The following CNBD1 variants were observed in gnomAD, a reference collection of about 807,000 sequenced individuals.
The protein encoded by CNBD1 is cyclic nucleotide binding domain containing 1, also known as cyclic nucleotide-binding domain-containing protein 1.
A neutral mutation model predicts 54.4 loss-of-function variants in CNBD1; 71 were observed. The ratio of observed to expected loss-of-function variants is 1.30; its 90% CI spans 1.08 to 1.59. The LOEUF is 1.59. CNBD1 is among the 40% of genes most tolerant of loss of function. The pLI, the probability that CNBD1 is intolerant of heterozygous loss-of-function variation, is 0.00. For synonymous variants in CNBD1, 182 were observed against 170.7 expected, an observed-to-expected ratio of 1.07 and a Z score of -0.51; for missense variants, 659 against 518.0, an observed-to-expected ratio of 1.27 and a Z score of -2.64.
intron 5 of CNBD1, among the ~76,000 whole-genome samples, chr8:87,222,041 G>A (rs1288622925): frequency 2.0e-5 from 3 of 151,938 alleles, no homozygotes; most frequent in East Asian, 3.9e-4. Context: ...TTATTGCTTT[G>A]TTATCTTATC....
intron 4 of CNBD1, among the ~76,000 whole-genome samples, chr8:87,034,862 A>G (rs1303063403): frequency 6.6e-6 from 1 of 152,150 alleles, no homozygotes; most frequent in African/African-American, 2.4e-5. Context: ...AACTATATAC[A>G]TATATATAGA....
chr8:87,305,080 G>A (rs1809113130), intron 8 of CNBD1, among the ~76,000 whole-genome samples: 1 of 152,060 alleles, frequency 6.6e-6, no homozygotes, highest in South Asian at 2.1e-4. Flanking sequence ...AGATTAATGT[G>A]CACAAATCAG....
At chr8:87,332,592 G>T (rs1809858656) in intron 8 of CNBD1, among the ~76,000 whole-genome samples, 1 of 152,074 alleles carries the variant, frequency 6.6e-6, no homozygotes, top group Non-Finnish European at 1.5e-5. Context: ...TCAGTTTTCT[G>T]CATATGCCTG....
intron 2 of CNBD1, among the ~76,000 whole-genome samples, chr8:87,420,015 A>G (rs1382426305): frequency 1.3e-5 from 2 of 150,780 alleles, no homozygotes; most frequent in African/African-American, 2.4e-5. Context: ...CCAGAAATAT[A>G]TAGAAAGCAC....
chr8:86,915,547 C>T (rs1456344594), intron 3 of CNBD1, among the ~76,000 whole-genome samples: 1 of 152,174 alleles, frequency 6.6e-6, no homozygotes, highest in Non-Finnish European at 1.5e-5. Flanking sequence ...TGCCCAGGAA[C>T]AATTAAGGGC....
chr8:86,969,348 T>A (rs745728520), intron 4 of CNBD1, among the ~76,000 whole-genome samples: 1 of 152,172 alleles, frequency 6.6e-6, no homozygotes, highest in African/African-American at 2.4e-5. Flanking sequence ...ATTTGTAAAC[T>A]TTTCTATTCT....
intron 4 of CNBD1, among the ~76,000 whole-genome samples, chr8:87,118,345 G>T (rs1003480601): frequency 6.7e-6 from 1 of 150,300 alleles, no homozygotes; most frequent in East Asian, 2.0e-4. Flanking sequence ...AAAATAGAGC[G>T]GTACAACGGT....
At chr8:87,292,123 T>C (rs1196252144) in intron 8 of CNBD1, among the ~76,000 whole-genome samples, 7 of 152,228 alleles carry the variant, frequency 4.6e-5, no homozygotes, top group Non-Finnish European at 1.0e-4. Flanking sequence ...AATATATTAA[T>C]ACATTTATTG....
chr8:87,121,694 A>G (rs1414449593), intron 4 of CNBD1, among the ~76,000 whole-genome samples: 2 of 151,900 alleles, frequency 1.3e-5, no homozygotes, highest in Admixed American at 6.6e-5. Flanking sequence ...AGCTCTTGGT[A>G]ACTACCATTC....
intron 4 of CNBD1, among the ~76,000 whole-genome samples, chr8:87,137,214 A>G (rs1338347904): frequency 1.4e-5 from 2 of 144,774 alleles, no homozygotes; most frequent in African/African-American, 5.1e-5. Context: ...TATTATATTT[A>G]TATTCTATAT....
intron 5 of CNBD1, among the ~76,000 whole-genome samples, chr8:87,224,245 A>C (rs1586342074): frequency 6.7e-6 from 1 of 149,874 alleles, no homozygotes; most frequent in South Asian, 2.1e-4. Context: ...TCTTTAGTTT[A>C]ATTAGATCCC....
chr8:86,988,240 T>G (rs1189173181), intron 4 of CNBD1, among the ~76,000 whole-genome samples: 1 of 151,986 alleles, frequency 6.6e-6, no homozygotes, highest in African/African-American at 2.4e-5. Flanking sequence ...CCAGAGGTTG[T>G]ATGTTTCCAG....
At chr8:87,181,255 C>T (rs1813305309) in intron 4 of CNBD1, among the ~76,000 whole-genome samples, 1 of 152,178 alleles carries the variant, frequency 6.6e-6, no homozygotes, top group African/African-American at 2.4e-5. Flanking sequence ...AATAACTGCA[C>T]ATATATACAG....
At chr8:86,952,156 T>G (rs1402959017) in intron 4 of CNBD1, among the ~76,000 whole-genome samples, 2 of 152,156 alleles carry the variant, frequency 1.3e-5, no homozygotes, top group African/African-American at 4.8e-5. Context: ...CCAATGTCCA[T>G]TTTAACACAT....
intron 4 of CNBD1, among the ~76,000 whole-genome samples, chr8:87,180,129 A>G (rs1001499141): frequency 2.0e-5 from 3 of 152,178 alleles, no homozygotes; most frequent in African/African-American, 7.2e-5. Flanking sequence ...CAAGATACAC[A>G]TGAGACTGCC....
intron 4 of CNBD1, among the ~76,000 whole-genome samples, chr8:87,065,716 A>G (rs1259575855): frequency 5.3e-5 from 8 of 151,922 alleles, no homozygotes; most frequent in Admixed American, 5.2e-4. Context: ...TAGCCCTCTA[A>G]TGCCTTTATG....
intron 4 of CNBD1, among the ~76,000 whole-genome samples, chr8:86,960,490 T>C (rs564024339): frequency 1.3e-5 from 2 of 152,156 alleles, no homozygotes; most frequent in South Asian, 4.2e-4. Context: ...GCCGGGAAGC[T>C]TGAACTGGGT....
At chr8:87,189,481 G>T (rs185127118) in intron 4 of CNBD1, among the ~76,000 whole-genome samples, 34 of 151,986 alleles carry the variant, frequency 2.2e-4, no homozygotes, top group Admixed American at 8.5e-4. Context: ...TATTCTGGTG[G>T]GTATACCATG....
At position 87,001,824 on chromosome 8, in the gene CNBD1, G is replaced by A. The variant is rs555183493; in HGVS notation, c.431+62070G>A. Among the ~76,000 whole-genome samples, 4 of 152,048 alleles carry A rather than the reference G, an allele frequency of 2.6e-5. No individual in the cohort carries two copies. In the South Asian group the frequency reaches 8.3e-4, roughly 32 times the overall value. The stretch of plus-strand genomic sequence containing the variant: ...TTCAGTTGGGAAGATATTTCCCATT[G>A]TGACATATCACAGATTTTTTCCCTC... On this transcript the variant is annotated intron_variant, in intron 4 of 10. Coordinates refer to ENST00000518476, the MANE Select transcript of CNBD1 (RefSeq NM_173538.3).
Sources: allele counts gnomAD v4.1 joint callset (sites outside exome capture counted in the v4.1 genomes callset), GRCh38; gene constraint gnomAD v4.1.1; transcripts MANE v1.5; gene names NCBI Gene and HGNC (gene_info 2026-07-23, HGNC 2026-07-21).